Variants in ST7 observed in about 807,000 individuals in gnomAD.
ST7 encodes suppression of tumorigenicity 7, also known as suppressor of tumorigenicity 7 protein.
Under a neutral mutation model 78.7 loss-of-function variants are expected in ST7, and 28 were observed. The ratio of observed to expected loss-of-function variants is 0.36; its 90% CI spans 0.26 to 0.49. ST7 has a LOEUF of 0.49. ST7 is among the 20% of genes least tolerant of loss of function. The probability of loss-of-function intolerance (pLI) is 0.99; values close to 1 mark genes in which losing one functional copy is unlikely to be tolerated. For missense variants in ST7, 418 were observed against 696.0 expected (o/e 0.60, Z 4.49); for synonymous variants, 247 against 249.6 (o/e 0.99, Z 0.10).
chr7:117,019,006 C>A (rs1215448248), intron 1 of ST7, among the ~76,000 whole-genome samples: 2 of 152,036 alleles, frequency 1.3e-5, no homozygotes, highest in Non-Finnish European at 2.9e-5. Flanking sequence ...ATATACTGAC[C>A]AGAAAAAGTA....
At chr7:117,107,866 C>T (rs1380058561) in intron 2 of ST7, among the ~76,000 whole-genome samples, 1 of 151,934 alleles carries the variant, frequency 6.6e-6, no homozygotes, top group Non-Finnish European at 1.5e-5. Flanking sequence ...CCACCTGCCT[C>T]GGCCTCCCAA....
chr7:117,053,301 C>G (rs1797884762), intron 1 of ST7, among the ~76,000 whole-genome samples: 1 of 152,218 alleles, frequency 6.6e-6, no homozygotes, highest in Non-Finnish European at 1.5e-5. Flanking sequence ...AAACCCTAGT[C>G]TCCTGGCAAG....
intron 1 of ST7, among the ~76,000 whole-genome samples, chr7:116,968,030 AC>A (rs1043751504): frequency 9.2e-5 from 14 of 152,142 alleles, no homozygotes; most frequent in African/African-American, 3.4e-4. Context: ...CTCTTTCTTA[AC>A]TTTGCTCCTT....
chr7:117,212,985 A>G (rs530087766), intron 13 of ST7, among the ~76,000 whole-genome samples: 3 of 152,310 alleles, frequency 2.0e-5, no homozygotes, highest in African/African-American at 7.2e-5. Context: ...CCTGGATTAG[A>G]ATTCTGACTC....
chr7:117,196,840 T>C (rs1296423872), intron 12 of ST7, among the ~76,000 whole-genome samples: 2 of 152,118 alleles, frequency 1.3e-5, no homozygotes, highest in Non-Finnish European at 2.9e-5. Context: ...CTTGTGCTTT[T>C]GGTGTCATAT....
At chr7:117,041,355 G>A (rs1164833156) in intron 1 of ST7, among the ~76,000 whole-genome samples, 4 of 152,092 alleles carry the variant, frequency 2.6e-5, no homozygotes, top group African/African-American at 9.7e-5. Context: ...GAGATGTTTA[G>A]TGCCAAAAAA....
intron 9 of ST7, among the ~76,000 whole-genome samples, chr7:117,140,409 GATA>G (rs921599238): frequency 2.0e-5 from 3 of 152,036 alleles, no homozygotes; most frequent in African/African-American, 7.3e-5. Context: ...GTAAATTGGG[GATA>G]ATGATTCTTA....
intron 9 of ST7, among the ~76,000 whole-genome samples, chr7:117,161,939 A>T (rs1430913504): frequency 6.6e-6 from 1 of 152,074 alleles, no homozygotes; most frequent in Non-Finnish European, 1.5e-5. Flanking sequence ...ATAGCCCATA[A>T]ACTATATATT....
At chr7:117,217,732 C>G (rs1563177275) in intron 13 of ST7, among the ~76,000 whole-genome samples, 1 of 152,186 alleles carries the variant, frequency 6.6e-6, no homozygotes, top group South Asian at 2.1e-4. Flanking sequence ...TAAGAGGTTT[C>G]TGTTATGAGA....
intron 1 of ST7, among the ~76,000 whole-genome samples, chr7:117,063,538 A>C (rs1329866993): frequency 6.6e-6 from 1 of 152,046 alleles, no homozygotes; most frequent in Non-Finnish European, 1.5e-5. Context: ...GTGAAAGCCT[A>C]TCTCTACAAA....
At chr7:117,189,150 C>G (rs1809548881) in intron 10 of ST7, among the ~76,000 whole-genome samples, 171 bp from the exon 11 acceptor site, 1 of 152,188 alleles carries the variant, frequency 6.6e-6, no homozygotes, top group African/African-American at 2.4e-5. Flanking sequence ...GTTTCACATA[C>G]CACGTTGATA....
At chr7:117,167,711 A>G (rs979255845) in intron 9 of ST7, among the ~76,000 whole-genome samples, 5 of 152,180 alleles carry the variant, frequency 3.3e-5, no homozygotes, top group Admixed American at 2.6e-4. Flanking sequence ...CCTAAATCAG[A>G]GACAAGGGGA....
intron 12 of ST7, among the ~76,000 whole-genome samples, chr7:117,199,368 A>G (rs547586588): frequency 3.6e-4 from 55 of 152,266 alleles, no homozygotes; most frequent in African/African-American, 1.2e-3. Flanking sequence ...TATTCTCATT[A>G]TCAGAGTTGG....
At chr7:117,205,462 C>CA (rs1791663349) in intron 12 of ST7, among the ~76,000 whole-genome samples, 1 of 151,320 alleles carries the variant, frequency 6.6e-6, no homozygotes, top group Admixed American at 6.6e-5. Context: ...TTGAAAATCC[C>CA]GAAAAAATAG....
In ST7 at chr7:116,956,276, A is replaced by G. The variant is rs560635548; in HGVS notation, c.151+2585A>G. The stretch of plus-strand genomic sequence containing the variant: ...CTCCCCTTTGGGAAAAAGTTTCTGT[A>G]CTGAAGTTATTGGCAAGGAAGGCCC... On this transcript the variant is annotated intron_variant, in intron 1 of 15. Transcript: ENST00000323984. The G allele has an allele frequency of 2.4e-4, 79 of 331,424 alleles. 1 individual carries two copies. Among genetic ancestry groups the G allele is most frequent in the Non-Finnish European group, 1.5e-4 (25 of 166,064 alleles). The allele number at this position is 331,424 out of a possible 1,614,324, so 20.5% of individuals were successfully genotyped here. A position where few individuals can be genotyped will look rare whatever the true frequency, so the allele number is the denominator to read the frequency against.
chr7:116,971,624 T>C (rs1374813346), intron 1 of ST7, among the ~76,000 whole-genome samples: 3 of 152,260 alleles, frequency 2.0e-5, no homozygotes, highest in Non-Finnish European at 2.9e-5. Context: ...TAACTCCTCC[T>C]GGAATCACCT....
chr7:116,958,579 A>C (rs538795875), intron 1 of ST7: 2 of 470,940 alleles, frequency 4.2e-6, no homozygotes, highest in Non-Finnish European at 8.8e-6. Context: ...AATCCCACCC[A>C]TCTATCAAGG....
At chr7:117,008,798 A>G (rs1311474377) in intron 1 of ST7, among the ~76,000 whole-genome samples, 1 of 152,182 alleles carries the variant, frequency 6.6e-6, no homozygotes, top group Non-Finnish European at 1.5e-5. Context: ...GGTCAAATCA[A>G]CCACAGTAAA....
chr7:117,099,340 C>G (rs938100671), intron 1 of ST7, among the ~76,000 whole-genome samples: 41 of 152,042 alleles, frequency 2.7e-4, no homozygotes, highest in African/African-American at 9.6e-4. Flanking sequence ...TAGCTATTTT[C>G]AGTTTATTCT....
Sources: allele counts gnomAD v4.1 joint callset (sites outside exome capture counted in the v4.1 genomes callset), GRCh38; gene constraint gnomAD v4.1.1; transcripts MANE v1.5; gene names NCBI Gene and HGNC (gene_info 2026-07-23, HGNC 2026-07-21).